The following ELF1 variants were observed in gnomAD, a reference collection of about 807,000 sequenced individuals.
ELF1 encodes the protein E74 like ETS transcription factor 1, also known as ETS-related transcription factor Elf-1.
In ELF1, 24 loss-of-function variants were observed where a neutral mutation model predicts 59.9. The ratio of observed to expected loss-of-function variants is 0.40; its 90% confidence interval spans 0.29 to 0.56. The LOEUF is 0.56. Among genes scored for constraint, ELF1 ranks in the 20% least tolerant of loss-of-function variants. The probability of loss-of-function intolerance (pLI) is 0.44; values close to 1 mark genes in which losing one functional copy is unlikely to be tolerated. For missense variants in ELF1, 627 were observed against 742.2 expected (o/e 0.84, Z 1.80); for synonymous variants, 248 against 266.2 (o/e 0.93, Z 0.67).
At chr13:41,032,241 G>A (rs1415276219) in intron 1 of ELF1, among the ~76,000 whole-genome samples, 1 of 149,908 alleles carries the variant, frequency 6.7e-6, no homozygotes, top group African/African-American at 2.5e-5. Flanking sequence ...TTTTGAGATG[G>A]AGTTTTGCTC....
intron 1 of ELF1, among the ~76,000 whole-genome samples, chr13:41,059,516 A>G (rs1191099930): frequency 1.3e-5 from 2 of 152,268 alleles, no homozygotes; most frequent in East Asian, 3.8e-4. Flanking sequence ...TTAAAGCTAC[A>G]AAATAGTCTG....
chr13:40,983,025 A>G (rs1266102903), intron 1 of ELF1: 1 of 208,278 alleles, frequency 4.8e-6, no homozygotes, highest in Non-Finnish European at 8.4e-6. Context: ...CAGAAACGCA[A>G]CTTAGTAGTG....
chr13:41,022,138 T>G (rs1368311152), upstream of ELF1, among the ~76,000 whole-genome samples: 1 of 152,188 alleles, frequency 6.6e-6, no homozygotes, highest in Non-Finnish European at 1.5e-5. Context: ...CACCAAATAT[T>G]GAAAACCCAA....
intron 1 of ELF1, among the ~76,000 whole-genome samples, chr13:40,987,428 A>G (rs9315798): frequency 0.18 from 27,376 of 148,306 alleles, 2,683 homozygotes; most frequent in East Asian, 0.26. Context: ...CAAAAACACA[A>G]AAAAAAAATT....
chr13:40,995,874 A>C (rs1385270056), intron 1 of ELF1, among the ~76,000 whole-genome samples: 3 of 152,316 alleles, frequency 2.0e-5, no homozygotes, highest in South Asian at 2.1e-4. Context: ...GCTGGACTTC[A>C]TTAAAATTAA....
At chr13:41,005,976 G>A (rs1874731732) in intron 1 of ELF1, among the ~76,000 whole-genome samples, 2 of 152,128 alleles carry the variant, frequency 1.3e-5, no homozygotes, top group Non-Finnish European at 2.9e-5. Flanking sequence ...TTCCACCAGA[G>A]TTTAGTGCTA....
At chr13:40,985,648 C>T (rs1873512177) in intron 1 of ELF1, among the ~76,000 whole-genome samples, 1 of 152,160 alleles carries the variant, frequency 6.6e-6, no homozygotes. Flanking sequence ...ACATCAGTGC[C>T]CCTTGAAGTC....
At chr13:41,028,228 C>T (rs1351961293) in intron 1 of ELF1, among the ~76,000 whole-genome samples, 1 of 152,168 alleles carries the variant, frequency 6.6e-6, no homozygotes, top group African/African-American at 2.4e-5. Context: ...TCTGAGTCAA[C>T]ATAGCTGGGG....
rs201178559 is a variant in ELF1, at chr13:41,045,278, TTA to T, written c.-229+15558_-229+15559del. Among the ~76,000 whole-genome samples, 412 of 152,276 alleles carry T rather than the reference TTA, an allele frequency of 2.7e-3. 8 individuals are homozygous for T. The East Asian group carries it at 0.048, about 18-fold the overall frequency. ...ATTCACTGATTTTTTGAAGGGTTTTTTATGTCTCCATCTCCTTCAGTTCTGCT... is the reference window on the plus strand; with the variant it reads ...ATTCACTGATTTTTTGAAGGGTTTTTTGTCTCCATCTCCTTCAGTTCTGCT... On this transcript the variant is annotated intron_variant, in intron 1 of 1. Coordinates refer to the ELF1 transcript ENST00000405737.
chr13:41,030,855 G>A (rs1162186606), intron 1 of ELF1, among the ~76,000 whole-genome samples: 2 of 151,866 alleles, frequency 1.3e-5, no homozygotes, highest in South Asian at 2.1e-4. Flanking sequence ...GAGGTGACGA[G>A]ACTGTTTAAG....
chr13:40,954,701 C>T (rs1311501806), intron 3 of ELF1, among the ~76,000 whole-genome samples: 3 of 152,036 alleles, frequency 2.0e-5, no homozygotes, highest in Admixed American at 6.6e-5. Flanking sequence ...CCGCCAGCCT[C>T]GGCCTCCCGA....
intron 8 of ELF1, among the ~76,000 whole-genome samples, chr13:40,934,628 C>A (rs971299583): frequency 6.6e-6 from 1 of 152,014 alleles, no homozygotes; most frequent in African/African-American, 2.4e-5. Context: ...CTATGTTGGT[C>A]AGGCTGGTCT....
chr13:40,933,807 G>C lies in ELF1; in HGVS notation c.1478C>G (p.Ser493Cys), dbSNP rs149160961. Residue 493 changes from serine (S) to cysteine (C), a missense_variant, in exon 9 of 9, where the codon TCT becomes TGT. Ser to Cys is a moderately radical substitution (Grantham distance 112). Coordinates refer to ENST00000239882, the MANE Select transcript of ELF1 (RefSeq NM_172373.4). The part of the protein sequence containing the change: ...NVMLQSQKAG[S>C]PPSIVLGPAQ... ...AGGGCCCAAGACAATTGAAGGAGGA[G>C]AGCCCGCCTTTTGTGACTGCAGCAT... 4.5e-5 allele frequency: 72 copies of C among 1,614,158 alleles called. No individual in the cohort carries two copies. Among genetic ancestry groups the C allele is most frequent in the Admixed American group, 1.5e-4 (9 of 60,018 alleles).
intron 1 of ELF1, among the ~76,000 whole-genome samples, chr13:41,057,174 G>T (rs1362361012): frequency 1.5e-5 from 2 of 137,334 alleles, no homozygotes; most frequent in African/African-American, 5.5e-5. Flanking sequence ...TTTTTTAAGA[G>T]ATAAGGTCTT....
At chr13:41,023,577 G>A (rs1875769023), upstream of ELF1, among the ~76,000 whole-genome samples, 1 of 152,210 alleles carries the variant, frequency 6.6e-6, no homozygotes, top group South Asian at 2.1e-4. Context: ...TCCAAGAATT[G>A]TGTAGAATTT....
chr13:41,040,097 T>C (rs1003971377), intron 1 of ELF1, among the ~76,000 whole-genome samples: 1 of 152,196 alleles, frequency 6.6e-6, no homozygotes, highest in Non-Finnish European at 1.5e-5. Context: ...GAAGGCAACT[T>C]CACAACCAAA....
intron 3 of ELF1, among the ~76,000 whole-genome samples, chr13:40,955,905 G>A (rs1185195655): frequency 2.6e-5 from 3 of 113,286 alleles, no homozygotes; most frequent in East Asian, 6.1e-4. Flanking sequence ...GAGGCGGGGA[G>A]GTCAGCCCCC....
intron 1 of ELF1, among the ~76,000 whole-genome samples, chr13:41,027,270 T>A (rs1430623433): frequency 6.6e-6 from 1 of 152,218 alleles, no homozygotes; most frequent in East Asian, 1.9e-4. Context: ...TGAAGATATT[T>A]GTCTTATGTG....
chr13:41,028,197 C>T (rs1411137780), intron 1 of ELF1, among the ~76,000 whole-genome samples: 1 of 152,182 alleles, frequency 6.6e-6, no homozygotes, highest in Non-Finnish European at 1.5e-5. Context: ...TACCATCCAG[C>T]CACTTTGGGC....
Sources: allele counts gnomAD v4.1 joint callset (sites outside exome capture counted in the v4.1 genomes callset), GRCh38; gene constraint gnomAD v4.1.1; transcripts MANE v1.5; gene names NCBI Gene and HGNC (gene_info 2026-07-23, HGNC 2026-07-21).